PLLP: variants seen among roughly 807,000 people sequenced by gnomAD.
The protein encoded by PLLP is plasmolipin.
In PLLP, 15 loss-of-function variants were observed where a neutral mutation model predicts 19.7. The ratio of observed to expected loss-of-function variants is 0.76; its 90% CI spans 0.51 to 1.17. The LOEUF is 1.17. Ranked by LOEUF, PLLP falls within the 50% of genes most tolerant of loss-of-function variation. The pLI, the probability that PLLP is intolerant of heterozygous loss-of-function variation, is 0.00. For missense variants in PLLP, 255 were observed against 258.3 expected (o/e 0.99, Z 0.09); for synonymous variants, 111 against 116.3 (o/e 0.95, Z 0.29).
chr16:57,261,210 G>A (rs1193083903), intron 2 of PLLP, among the ~76,000 whole-genome samples: 1 of 152,056 alleles, frequency 6.6e-6, no homozygotes, highest in Non-Finnish European at 1.5e-5. Context: ...TCACCATATT[G>A]GTCAGGCTGG....
At chr16:57,270,989 C>T (rs376309556) in intron 1 of PLLP, among the ~76,000 whole-genome samples, 2 of 152,148 alleles carry the variant, frequency 1.3e-5, no homozygotes, top group Middle Eastern at 3.4e-3. Flanking sequence ...CAGCGAGGGT[C>T]GCCACCCCAG....
At chr16:57,265,530 T>G (rs1328339226) in intron 1 of PLLP, among the ~76,000 whole-genome samples, 1 of 152,090 alleles carries the variant, frequency 6.6e-6, no homozygotes, top group East Asian at 1.9e-4. Context: ...CCAATTCAGG[T>G]TTCCACTATC....
At chr16:57,267,510 G>A (rs2075461304) in intron 1 of PLLP, among the ~76,000 whole-genome samples, 1 of 152,152 alleles carries the variant, frequency 6.6e-6, no homozygotes, top group Admixed American at 6.6e-5. Context: ...AGAGGTTGCA[G>A]TGAACTGAGA....
At chr16:57,263,151 G>A (rs1008453718) in intron 1 of PLLP, 6 of 152,236 alleles carry the variant, frequency 3.9e-5, no homozygotes, top group Admixed American at 2.6e-4. Flanking sequence ...ACGTCACAAG[G>A]GCCTCTGGGT....
At chr16:57,284,373 C>G in intron 1 of PLLP, 33 bp downstream of exon 1, 1 of 1,338,490 alleles carries the variant, frequency 7.5e-7, no homozygotes, top group Non-Finnish European at 9.6e-7. Flanking sequence ...CGGGAGCCCC[C>G]GGCCAACCCC....
intron 1 of PLLP, among the ~76,000 whole-genome samples, chr16:57,273,498 T>C (rs529346301): frequency 1.3e-5 from 2 of 152,290 alleles, no homozygotes; most frequent in Non-Finnish European, 2.9e-5. Flanking sequence ...CTCTCCCCAC[T>C]GGACAAACAG....
intron 1 of PLLP, among the ~76,000 whole-genome samples, chr16:57,268,159 G>T (rs2146443527): frequency 6.6e-6 from 1 of 152,306 alleles, no homozygotes; most frequent in South Asian, 2.1e-4. Flanking sequence ...CAGAGCCCCA[G>T]AAGAAAGCAA....
At chr16:57,263,842 T>C (rs1597960224) in intron 1 of PLLP, among the ~76,000 whole-genome samples, 1 of 152,114 alleles carries the variant, frequency 6.6e-6, no homozygotes, top group Admixed American at 6.5e-5. Context: ...AAAGGCTCCA[T>C]TGCCAATCAA....
At chr16:57,269,494 G>T (rs2075467729) in intron 1 of PLLP, among the ~76,000 whole-genome samples, 1 of 152,174 alleles carries the variant, frequency 6.6e-6, no homozygotes, top group Non-Finnish European at 1.5e-5. Flanking sequence ...AACATTAAAA[G>T]CCATAGCAGT....
intron 1 of PLLP, among the ~76,000 whole-genome samples, chr16:57,271,478 T>C (rs2146445788): frequency 6.6e-6 from 1 of 151,986 alleles, no homozygotes; most frequent in Non-Finnish European, 1.5e-5. Flanking sequence ...ACCCCGCCTC[T>C]AATAAAAATA....
At chr16:57,267,615 T>C (rs145687277) in intron 1 of PLLP, among the ~76,000 whole-genome samples, 2,700 of 151,650 alleles carry the variant, frequency 0.018, 96 homozygotes, top group African/African-American at 0.062. Flanking sequence ...TGGTGGATCA[T>C]ACCTGTAATC....
chr16:57,257,903 G>A (rs1015847417), intron 3 of PLLP, among the ~76,000 whole-genome samples: 20 of 152,284 alleles, frequency 1.3e-4, no homozygotes, highest in Admixed American at 2.0e-4. Flanking sequence ...CCCAGGCCGC[G>A]TGTGGCAGCT....
intron 1 of PLLP, among the ~76,000 whole-genome samples, chr16:57,269,034 C>A (rs1213193545): frequency 1.3e-5 from 2 of 152,206 alleles, no homozygotes; most frequent in Non-Finnish European, 2.9e-5. Context: ...GGTGCTCCCA[C>A]AGGAGGCCCC....
chr16:57,259,501 G>A lies in PLLP; in HGVS notation c.310-917C>T, dbSNP rs530262296. On this transcript the variant is annotated intron_variant, in intron 2 of 3. Transcript: ENST00000219207. ...CCAGACTGGCAGGAAGGGGCCCTCT[G>A]CTGACAACCAGGGACCAGTCCCTCA... Among the ~76,000 whole-genome samples the A allele has an allele frequency of 1.1e-3, 170 of 152,276 alleles. 2 individuals carry two copies. The highest frequency in any genetic ancestry group is 2.0e-3 in the Non-Finnish European group (133 of 68,014).
intron 1 of PLLP, among the ~76,000 whole-genome samples, chr16:57,269,537 G>C (rs1252405851): frequency 1.3e-5 from 2 of 152,116 alleles, no homozygotes; most frequent in Non-Finnish European, 2.9e-5. Context: ...GAGACAGTCC[G>C]GGGCTGGGGG....
At chr16:57,263,074 C>T (rs1446664009) in intron 1 of PLLP, among the ~76,000 whole-genome samples, 1 of 152,216 alleles carries the variant, frequency 6.6e-6, no homozygotes, top group Non-Finnish European at 1.5e-5. Context: ...AAGATCAAGT[C>T]ACCACAGTCC....
intron 1 of PLLP, among the ~76,000 whole-genome samples, chr16:57,274,924 G>A (rs982926133): frequency 2.0e-4 from 31 of 151,980 alleles, no homozygotes; most frequent in African/African-American, 7.2e-4. Flanking sequence ...ACCATGCCCG[G>A]CTAATTTTTT....
At chr16:57,270,671 C>T (rs567984673) in intron 1 of PLLP, among the ~76,000 whole-genome samples, 4 of 152,234 alleles carry the variant, frequency 2.6e-5, no homozygotes, top group East Asian at 1.9e-4. Flanking sequence ...AGGCTCCGGG[C>T]GCCTAAGCTG....
At chr16:57,258,390 A>G (rs2075432214) in intron 3 of PLLP, 72 bp downstream of exon 3, 1 of 1,530,116 alleles carries the variant, frequency 6.5e-7, no homozygotes, top group Non-Finnish European at 8.9e-7. Flanking sequence ...CTGGCCTCAG[A>G]CCAAGCGAGC....
Sources: gnomAD v4.1 joint callset for allele counts (sites outside exome capture counted in the v4.1 genomes callset) on GRCh38, gnomAD v4.1.1 for gene constraint, MANE v1.5 for transcripts, NCBI Gene and HGNC (gene_info 2026-07-23, HGNC 2026-07-21) for gene names.